GALC: variants seen among roughly 807,000 people sequenced by gnomAD.
GALC encodes the protein galactocerebrosidase.
GALC carries 77 observed loss-of-function variants against 91.8 expected under a neutral mutation model. The observed-to-expected ratio is 0.84, with a 90% CI of 0.70 to 1.01. The LOEUF (loss-of-function observed/expected upper bound fraction) is 1.01, where lower values mean the gene tolerates loss of function less well. Among genes scored for constraint, GALC ranks in the 50% least tolerant of loss-of-function variants. The pLI, the probability that GALC is intolerant of heterozygous loss-of-function variation, is 0.00. For missense variants in GALC, 882 were observed against 855.9 expected (o/e 1.03, Z -0.38); for synonymous variants, 357 against 306.7 (o/e 1.16, Z -1.71).
intron 15 of GALC, among the ~76,000 whole-genome samples, chr14:87,940,503 C>T (rs1446762861): frequency 6.6e-6 from 1 of 151,866 alleles, no homozygotes; most frequent in Non-Finnish European, 1.5e-5. Flanking sequence ...ACTGCAGACA[C>T]AGATTTAAAT....
chr14:87,978,833 A>G (rs1017032245), intron 6 of GALC, among the ~76,000 whole-genome samples: 63 of 152,092 alleles, frequency 4.1e-4, no homozygotes, highest in Middle Eastern at 3.4e-3. Context: ...AGCAAAAAAA[A>G]AAAAAAACTT....
At chr14:87,954,889 C>T (rs1885458376) in intron 10 of GALC, 2 of 1,590,190 alleles carry the variant, frequency 1.3e-6, no homozygotes, top group African/African-American at 2.7e-5. Flanking sequence ...ATACTATAGG[C>T]CAGCTTTAAT....
At chr14:87,993,623 A>AAGAGC (rs1887340231), upstream of GALC, 1 of 682,806 alleles carries the variant, frequency 1.5e-6, no homozygotes, top group Non-Finnish European at 2.5e-6. Flanking sequence ...ATGAGGCGAG[A>AAGAGC]AGAGCAGCAG....
In GALC at chr14:87,934,334, C is replaced by T. The variant is rs1255796060; in HGVS notation, c.*398G>A. The T allele has an allele frequency of 7.9e-7, 1 of 1,272,718 alleles. No homozygotes were observed. The highest frequency in any genetic ancestry group is 3.8e-5 in the East Asian group (1 of 26,644). The allele number at this position is 1,272,718 out of a possible 1,614,324, so 78.8% of individuals were successfully genotyped here. On this transcript the variant is annotated 3_prime_UTR_variant, in exon 17 of 17. Coordinates refer to ENST00000261304, the MANE Select transcript of GALC (RefSeq NM_000153.4). Reference sequence around the variant, plus strand: ...ATGAAGACACTGGCTCACTTGGACACACGGTCAGCATGCATAAATACATCT... The same window carrying T: ...ATGAAGACACTGGCTCACTTGGACATACGGTCAGCATGCATAAATACATCT...
intron 10 of GALC, among the ~76,000 whole-genome samples, chr14:87,951,218 A>G (rs1885296411): frequency 6.6e-6 from 1 of 151,850 alleles, no homozygotes; most frequent in South Asian, 2.1e-4. Context: ...AGGTCAGCTA[A>G]ATATATGTAA....
At chr14:87,966,465 C>T (rs1406168292) in intron 8 of GALC, among the ~76,000 whole-genome samples, 1 of 151,954 alleles carries the variant, frequency 6.6e-6, no homozygotes, top group African/African-American at 2.4e-5. Context: ...AGCTTACCCA[C>T]AGAATTTTAT....
intron 1 of GALC, among the ~76,000 whole-genome samples, chr14:87,990,355 T>C (rs1361822445): frequency 6.6e-6 from 1 of 152,212 alleles, no homozygotes; most frequent in Non-Finnish European, 1.5e-5. Context: ...TATGTAATCA[T>C]AGGCAAATTA....
chr14:87,990,313 G>C (rs1394436031), intron 1 of GALC, among the ~76,000 whole-genome samples: 2 of 152,096 alleles, frequency 1.3e-5, no homozygotes, highest in Admixed American at 1.3e-4. Flanking sequence ...GAGTCAAATG[G>C]AGTTTGTATC....
At chr14:87,955,070 G>T in intron 10 of GALC, 1 of 1,338,724 alleles carries the variant, frequency 7.5e-7, no homozygotes, top group Non-Finnish European at 1.1e-6. Flanking sequence ...TCGGCAGTCA[G>T]CGCAGAACCT....
chr14:87,940,847 A>G (rs947604223), intron 15 of GALC, among the ~76,000 whole-genome samples: 1 of 151,960 alleles, frequency 6.6e-6, no homozygotes, highest in African/African-American at 2.4e-5. Flanking sequence ...TGAAGTGGAC[A>G]CAGTTCAATC....
intron 13 of GALC, 118 bp from the exon 14 acceptor site, chr14:87,945,851 C>T: frequency 1.3e-6 from 1 of 787,530 alleles, no homozygotes; most frequent in Non-Finnish European, 2.1e-6. Context: ...TAAATAAAAT[C>T]TAAACCAAAG....
chr14:87,983,613 T>C (rs1302654387), intron 5 of GALC, among the ~76,000 whole-genome samples: 1 of 152,212 alleles, frequency 6.6e-6, no homozygotes, highest in Non-Finnish European at 1.5e-5. Context: ...ATGAAAATGT[T>C]TAAGTATTAG....
intron 5 of GALC, 80 bp from the exon 6 acceptor site, chr14:87,982,323 C>A: frequency 1.1e-6 from 1 of 911,906 alleles, no homozygotes; most frequent in Admixed American, 1.8e-5. Context: ...GATACCATTT[C>A]TCTCATCATC....
At chr14:87,945,367 G>C in intron 14 of GALC, among the ~76,000 whole-genome samples, 186 bp downstream of exon 14, 1 of 151,904 alleles carries the variant, frequency 6.6e-6, no homozygotes, top group East Asian at 1.9e-4. Context: ...AAGGACACTG[G>C]GGCAGCAAAA....
rs2139749699 is a variant in GALC at position 87,984,471 on chromosome 14, G to A, written c.505C>T (p.Gln169Ter). 6.2e-7 allele frequency: 1 copy of A among 1,614,122 alleles called. No individual in the cohort carries two copies. Among genetic ancestry groups the A allele is most frequent in the Non-Finnish European group, 8.5e-7 (1 of 1,179,972 alleles). The change falls in exon 5 of 17, where the codon CAG (glutamine) becomes TAG (stop). Residue 169 changes from glutamine (Q) to a stop codon, truncating the protein, a stop_gained. Coordinates refer to ENST00000261304, the MANE Select transcript of GALC (RefSeq NM_000153.4). LOFTEE classifies it high-confidence loss of function. ...KGFDWPYVNL[Q>*]LTAYYVVTWI... The stretch of plus-strand genomic sequence containing the variant: ...GTCACGACATAATAGGCAGTCAGCT[G>A]AAGATTGACATAAGGCCAGTCGAAA...
At chr14:87,952,716 TCTTA>T in intron 10 of GALC, 1 of 1,524,400 alleles carries the variant, frequency 6.6e-7, no homozygotes, top group Non-Finnish European at 9.1e-7. Flanking sequence ...AGTGGTCATT[TCTTA>T]CTTAGCAAAC....
At chr14:87,953,338 A>G (rs1232808305) in intron 10 of GALC, 67 of 1,428,698 alleles carry the variant, frequency 4.7e-5, no homozygotes, top group Admixed American at 3.6e-4. Flanking sequence ...TTACGGGAAG[A>G]TAAGAATATC....
intron 7 of GALC, among the ~76,000 whole-genome samples, chr14:87,974,101 A>G (rs1886400389): frequency 6.6e-6 from 1 of 152,210 alleles, no homozygotes; most frequent in East Asian, 1.9e-4. Context: ...TATAGAAAAC[A>G]CAAACATCAG....
chr14:87,960,865 T>C lies in GALC; in HGVS notation c.1161+2519A>G, dbSNP rs186149794. Among the ~76,000 whole-genome samples, 578 of 152,228 alleles carry C rather than the reference T, an allele frequency of 3.8e-3. 9 individuals are homozygous for C. The highest frequency in any genetic ancestry group is 0.033 in the Admixed American group (506 of 15,286). ...AATTTAAGATTTAAAACTCTAAAAC[T>C]CTTAAAGGAATACATAAATATAAAT... is the stretch of plus-strand genomic sequence containing the variant. On this transcript the variant is annotated intron_variant, in intron 10 of 16. Coordinates refer to ENST00000261304, the MANE Select transcript of GALC (RefSeq NM_000153.4).
Sources: gnomAD v4.1 joint callset for allele counts (sites outside exome capture counted in the v4.1 genomes callset) on GRCh38, gnomAD v4.1.1 for gene constraint, MANE v1.5 for transcripts, NCBI Gene and HGNC (gene_info 2026-07-23, HGNC 2026-07-21) for gene names.